The following ZFYVE26 variants were observed in gnomAD, a reference collection of about 807,000 sequenced individuals.
ZFYVE26 encodes zinc finger FYVE-type containing 26, also known as zinc finger FYVE domain-containing protein 26.
ZFYVE26 carries 181 observed loss-of-function variants against 276.5 expected under a neutral mutation model. The ratio of observed to expected loss-of-function variants is 0.65; its 90% CI spans 0.58 to 0.74. ZFYVE26 has a LOEUF of 0.74. Among genes scored for constraint, ZFYVE26 ranks in the 30% least tolerant of loss-of-function variants. The probability of loss-of-function intolerance (pLI) is 0.00; values close to 1 mark genes in which losing one functional copy is unlikely to be tolerated. For missense variants in ZFYVE26, 2,821 were observed against 3,097.9 expected, an observed-to-expected ratio of 0.91 and a Z score of 2.12; for synonymous variants, 1,129 against 1,203.1, an observed-to-expected ratio of 0.94 and a Z score of 1.27.
chr14:67,773,594 A>G (rs2039269009), intron 27 of ZFYVE26, among the ~76,000 whole-genome samples: 1 of 148,984 alleles, frequency 6.7e-6, no homozygotes, highest in South Asian at 2.1e-4. Flanking sequence ...TCAGGCTGCC[A>G]TTTATGCTCA....
Position 67,754,134 on chromosome 14 carries a change from G to A in ZFYVE26, c.7065C>T (p.Ile2355=). The A allele has an allele frequency of 6.2e-7, 1 of 1,614,244 alleles. No individual in the cohort carries two copies. Among genetic ancestry groups the A allele is most frequent in the Non-Finnish European group, 8.5e-7 (1 of 1,180,042 alleles). ...HRCESAGTSQ[I]TTLPLPTLFG... ...ACAGGGTTGGCAGAGGCAAAGTGGTGATTTGAGAGGTCCCAGCACTTTCGC... is the reference window on the plus strand; with the variant it reads ...ACAGGGTTGGCAGAGGCAAAGTGGTAATTTGAGAGGTCCCAGCACTTTCGC... Residue 2355 remains isoleucine, a synonymous_variant, in exon 38 of 42, where the codon ATC becomes ATT. Transcript: ENST00000347230.
At chr14:67,785,366 C>G in intron 18 of ZFYVE26, 89 bp from the exon 19 acceptor site, 1 of 1,209,290 alleles carries the variant, frequency 8.3e-7, no homozygotes, top group Non-Finnish European at 1.2e-6. Flanking sequence ...GTGAACTGTG[C>G]CCCCTATACA....
At chr14:67,772,359 AAG>A in intron 27 of ZFYVE26, 149 bp from the exon 28 acceptor site, 1 of 954,838 alleles carries the variant, frequency 1.0e-6, no homozygotes, top group South Asian at 1.5e-5. Flanking sequence ...TGTGTCATAA[AAG>A]AGAGACAACT....
chr14:67,812,067 G>C (rs1820743811), intron 3 of ZFYVE26, among the ~76,000 whole-genome samples: 1 of 151,756 alleles, frequency 6.6e-6, no homozygotes, highest in Admixed American at 6.6e-5. Flanking sequence ...ACATCTCTAT[G>C]CATGTATACC....
intron 2 of ZFYVE26, among the ~76,000 whole-genome samples, chr14:67,814,621 T>G (rs577875985): frequency 1.3e-5 from 2 of 152,208 alleles, no homozygotes; most frequent in Non-Finnish European, 2.9e-5. Context: ...CTCCTTATCT[T>G]AGTTTAAAAT....
At position 67,753,791 on chromosome 14, in the gene ZFYVE26, T is replaced by A. The variant is rs115187520; in HGVS notation, c.7129-25A>T. 9,353 of 1,561,844 alleles carry A rather than the reference T, an allele frequency of 6.0e-3. 94 individuals carry two copies. Among genetic ancestry groups the A allele is most frequent in the African/African-American group, 0.044 (3,232 of 73,528 alleles). ...CCTGAAAAGGAAAGGGAATCATGCT[T>A]AAAAACATGGCAATTACTAGAGAAT... On this transcript the variant is annotated intron_variant, in intron 38 of 41. Transcript: ENST00000347230.
At chr14:67,776,655 C>T (rs1371515012) in intron 25 of ZFYVE26, among the ~76,000 whole-genome samples, 3 of 152,196 alleles carry the variant, frequency 2.0e-5, no homozygotes, top group African/African-American at 7.2e-5. Flanking sequence ...AACCTGGCAC[C>T]TCCTATGTCC....
chr14:67,776,451 C>T (rs544485169), intron 25 of ZFYVE26, among the ~76,000 whole-genome samples: 4 of 152,322 alleles, frequency 2.6e-5, no homozygotes, highest in East Asian at 3.9e-4. Flanking sequence ...GATAGTTGCA[C>T]GTGTGTTCCA....
intron 16 of ZFYVE26, among the ~76,000 whole-genome samples, chr14:67,787,637 C>A (rs1221489070): frequency 6.6e-6 from 1 of 152,078 alleles, no homozygotes; most frequent in Non-Finnish European, 1.5e-5. Context: ...CATTGATTGA[C>A]CTGAAACTGT....
intron 28 of ZFYVE26, among the ~76,000 whole-genome samples, chr14:67,771,622 A>T (rs1422524822): frequency 1.3e-5 from 2 of 152,236 alleles, no homozygotes; most frequent in East Asian, 3.8e-4. Context: ...AAGTAGGCAC[A>T]TGAGACCAAA....
chr14:67,807,835 C>G lies in ZFYVE26; in HGVS notation c.449G>C (p.Ser150Thr), dbSNP rs1205361720. 6.2e-7 allele frequency: 1 copy of G among 1,613,828 alleles called. No individual in the cohort carries two copies. Among genetic ancestry groups the G allele is most frequent in the African/African-American group, 1.3e-5 (1 of 74,906 alleles). The change falls in exon 5 of 42, where the codon AGC (serine) becomes ACC (threonine). Residue 150 changes from serine to threonine, a missense_variant. Coordinates refer to ENST00000347230, the MANE Select transcript of ZFYVE26 (RefSeq NM_015346.4). ...CCAGAGCACAGAGACAGCTTCGGAGCTGAGACGAGGAGTCCAGCTCTCCCT... is the reference window on the plus strand; with the variant it reads ...CCAGAGCACAGAGACAGCTTCGGAGGTGAGACGAGGAGTCCAGCTCTCCCT... ...PRRESWTPRL[S>T]SEAVSVLWDL... is the part of the protein sequence containing the mutation.
intron 21 of ZFYVE26, 54 bp from the exon 22 acceptor site, chr14:67,781,583 A>G: frequency 6.4e-7 from 1 of 1,550,744 alleles, no homozygotes; most frequent in Non-Finnish European, 8.9e-7. Context: ...AGAAGAGTTC[A>G]AGAGTCCAGG....
intron 13 of ZFYVE26, among the ~76,000 whole-genome samples, chr14:67,740,306 T>G (rs2038400864): frequency 6.6e-6 from 1 of 152,134 alleles, no homozygotes; most frequent in South Asian, 2.1e-4. Flanking sequence ...ATTTAATATA[T>G]TCTCATAAAA....
At chr14:67,793,535 C>A (rs1017838450) in intron 14 of ZFYVE26, 73 bp downstream of exon 14, 4 of 1,557,600 alleles carry the variant, frequency 2.6e-6, no homozygotes, top group Non-Finnish European at 2.6e-6. Flanking sequence ...CCAGGTGGCT[C>A]TGGTTGTACA....
chr14:67,791,273 C>T (rs1178339277), intron 14 of ZFYVE26, among the ~76,000 whole-genome samples: 2 of 152,094 alleles, frequency 1.3e-5, no homozygotes, highest in Admixed American at 6.6e-5. Flanking sequence ...AGGCTTAATG[C>T]CTAAACGTAA....
chr14:67,813,280 C>T (rs992904255), intron 3 of ZFYVE26, among the ~76,000 whole-genome samples: 7 of 152,224 alleles, frequency 4.6e-5, no homozygotes, highest in African/African-American at 1.7e-4. Flanking sequence ...AGCACCAGCT[C>T]TGTCAAATAA....
intron 14 of ZFYVE26, among the ~76,000 whole-genome samples, chr14:67,793,301 A>G (rs1461852200): frequency 2.6e-5 from 4 of 152,196 alleles, no homozygotes; most frequent in Non-Finnish European, 5.9e-5. Context: ...AAACCCATGT[A>G]TATGTTCAGA....
chr14:67,799,612 G>T (rs753707696), intron 10 of ZFYVE26: 9 of 1,463,494 alleles, frequency 6.1e-6, no homozygotes, highest in South Asian at 1.1e-5. Context: ...AGAAATAATA[G>T]AATTTTTCTC....
At chr14:67,799,934 A>G (rs1476343321) in intron 10 of ZFYVE26, among the ~76,000 whole-genome samples, 1 of 152,100 alleles carries the variant, frequency 6.6e-6, no homozygotes, top group African/African-American at 2.4e-5. Flanking sequence ...GGTTCTGTTC[A>G]TGTTGTTTTC....
Sources: allele counts gnomAD v4.1 joint callset (sites outside exome capture counted in the v4.1 genomes callset), GRCh38; gene constraint gnomAD v4.1.1; transcripts MANE v1.5; gene names NCBI Gene and HGNC (gene_info 2026-07-23, HGNC 2026-07-21).